The following ATP2A2 variants were observed in gnomAD, a reference collection of about 807,000 sequenced individuals.
The protein encoded by ATP2A2 is sarcoplasmic/endoplasmic reticulum calcium ATPase 2.
A neutral mutation model predicts 109.3 loss-of-function variants in ATP2A2; 14 were observed. The ratio of observed to expected loss-of-function variants is 0.13; its 90% CI spans 0.08 to 0.20. The LOEUF (loss-of-function observed/expected upper bound fraction) is 0.20. ATP2A2 is among the 10% of genes least tolerant of loss of function. The pLI, the probability that ATP2A2 is intolerant of heterozygous loss-of-function variation, is 1.00. For missense variants in ATP2A2, 657 were observed against 1,321.6 expected, an observed-to-expected ratio of 0.50 and a Z score of 7.80; for synonymous variants, 506 against 490.9, an observed-to-expected ratio of 1.03 and a Z score of -0.41.
chr12:110,344,996 AC>A (rs1197504403), intron 17 of ATP2A2, 25 bp downstream of exon 17: 3 of 1,609,892 alleles, frequency 1.9e-6, no homozygotes, highest in Non-Finnish European at 2.6e-6. Flanking sequence ...TTCTTTCTGT[AC>A]CTTACATGAG....
chr12:110,346,066 T>C lies in ATP2A2; in HGVS notation c.2807T>C (p.Ile936Thr), dbSNP rs1879825360. The change falls in exon 19 of 20, where the codon ATC becomes ACC. Residue 936 changes from isoleucine (I) to threonine (T), a missense_variant. By Grantham distance (89) the Ile-to-Thr change is moderately conservative. Around this residue, in one of 9 missense-constraint regions of ATP2A2, gnomAD observed 125 missense variants for 243.5 expected, o/e 0.51. Transcript: ENST00000539276. ...PWENIWLVGS[I>T]CLSMSLHFLI... is the part of the protein sequence containing the mutation. The stretch of plus-strand genomic sequence containing the variant: ...GAGAACATCTGGCTCGTGGGCTCCA[T>C]CTGCCTGTCCATGTCACTCCACTTC... 6.2e-7 allele frequency: 1 copy of C among 1,614,098 alleles called. No homozygotes were observed. Among genetic ancestry groups the C allele is most frequent in the African/African-American group, 1.3e-5 (1 of 74,932 alleles).
intron 3 of ATP2A2, among the ~76,000 whole-genome samples, chr12:110,285,855 C>T (rs540469108): frequency 6.7e-6 from 1 of 149,250 alleles, no homozygotes; most frequent in African/African-American, 2.4e-5. Flanking sequence ...CTTTAGGTTA[C>T]ATTTGACCAT....
At chr12:110,345,763 C>T (rs1364325352) in intron 18 of ATP2A2, 1 of 603,446 alleles carries the variant, frequency 1.7e-6, no homozygotes, top group African/African-American at 1.8e-5. Context: ...CAATTGGGAA[C>T]AGCTTTGAAC....
intron 5 of ATP2A2, among the ~76,000 whole-genome samples, chr12:110,299,560 G>C (rs1190713342): frequency 6.6e-6 from 1 of 152,230 alleles, no homozygotes; most frequent in Non-Finnish European, 1.5e-5. Context: ...ATTGGGTACA[G>C]AGTTCTGATC....
chr12:110,347,324 T>A lies in ATP2A2; in HGVS notation c.*854T>A. ...AACATTTTAAATGGACAGAGAAAAA[T>A]AACTGTCTTGTCTTTAACTCGTAAG... On this transcript the variant is annotated 3_prime_UTR_variant, in exon 20 of 20. Coordinates refer to ENST00000539276, the MANE Select transcript of ATP2A2 (RefSeq NM_170665.4). The A allele has an allele frequency of 7.8e-7, 1 of 1,275,782 alleles. No individual in the cohort carries two copies. The highest frequency in any genetic ancestry group is 5.6e-5 in the East Asian group (1 of 17,774). The allele number at this position is 1,275,782 out of a possible 1,614,324, so 79.0% of individuals were successfully genotyped here.
intron 6 of ATP2A2, among the ~76,000 whole-genome samples, chr12:110,324,428 T>A (rs1467724240): frequency 6.6e-6 from 1 of 150,682 alleles, no homozygotes; most frequent in Non-Finnish European, 1.5e-5. Flanking sequence ...TAAAAAAAAT[T>A]TTTTTTTTTT....
At chr12:110,287,523 A>G (rs1322867643) in intron 3 of ATP2A2, among the ~76,000 whole-genome samples, 1 of 152,224 alleles carries the variant, frequency 6.6e-6, no homozygotes, top group Non-Finnish European at 1.5e-5. Flanking sequence ...CACAAAGCAA[A>G]GGGAAGAAGA....
intron 11 of ATP2A2, among the ~76,000 whole-genome samples, chr12:110,336,113 G>C (rs1878819853): frequency 5.3e-5 from 8 of 152,214 alleles, no homozygotes. Flanking sequence ...ATTGGGTTCT[G>C]CTGAACATAC....
rs1255743508 is a variant in ATP2A2 at position 110,327,722 on chromosome 12, T to C, written c.800T>C (p.Ile267Thr). 1 of 1,614,172 alleles carries C rather than the reference T, an allele frequency of 6.2e-7. No individual in the cohort carries two copies. Among genetic ancestry groups the C allele is most frequent in the Non-Finnish European group, 8.5e-7 (1 of 1,180,028 alleles). Reference sequence around the variant, plus strand: ...CAGCTTTCCAAAGTCATCTCCCTTATTTGCATTGCAGTCTGGATCATAAAT... The same window carrying C: ...CAGCTTTCCAAAGTCATCTCCCTTACTTGCATTGCAGTCTGGATCATAAAT... ...GEQLSKVISL[I>T]CIAVWIINIG... Residue 267 changes from isoleucine to threonine, a missense_variant, in exon 8 of 20, where the codon ATT becomes ACT. By Grantham distance (89) the Ile-to-Thr change is moderately conservative (BLOSUM62 -1). Transcript: ENST00000539276. The surrounding 1 kb of genome is among the most constrained non-coding windows in gnomAD (Gnocchi z 4.4).
chr12:110,298,589 C>G (rs1433827851), intron 5 of ATP2A2, among the ~76,000 whole-genome samples: 1 of 152,068 alleles, frequency 6.6e-6, no homozygotes, highest in Non-Finnish European at 1.5e-5. Flanking sequence ...ATGGTGGCTC[C>G]CACCTGTAGT....
chr12:110,337,073 C>A (rs1878904908), intron 11 of ATP2A2, among the ~76,000 whole-genome samples: 1 of 152,196 alleles, frequency 6.6e-6, no homozygotes, highest in African/African-American at 2.4e-5. Context: ...AGTGACCACA[C>A]AAGTACGGGC....
rs1872414553 is a variant in ATP2A2 at position 110,283,947 on chromosome 12, G to A, written c.219+1152G>A. Among the ~76,000 whole-genome samples, 6 of 152,190 alleles carry A rather than the reference G, an allele frequency of 3.9e-5. 1 individual carries two copies. The South Asian group carries it at 1.2e-3, about 31-fold the overall frequency. On this transcript the variant is annotated intron_variant, in intron 3 of 19. Coordinates refer to ENST00000539276, the MANE Select transcript of ATP2A2 (RefSeq NM_170665.4). ...TAAATTTATACCCATCTTTTAAGTA[G>A]ATAGTGGCAGCAGTAAATAAATTTG...
Position 110,348,678 on chromosome 12 carries a change from T to C in ATP2A2, c.*2208T>C. On this transcript the variant is annotated 3_prime_UTR_variant, in exon 20 of 20. Coordinates refer to ENST00000539276, the MANE Select transcript of ATP2A2 (RefSeq NM_170665.4). ...TTGAGCCCAGGTACTCAAACCAGCCTGGGCAACAGAGTGAGGCCCTGTCAA... is the reference window on the plus strand; with the variant it reads ...TTGAGCCCAGGTACTCAAACCAGCCCGGGCAACAGAGTGAGGCCCTGTCAA... The C allele has an allele frequency of 1.0e-6, 1 of 985,292 alleles. No individual in the cohort carries two copies. Among genetic ancestry groups the C allele is most frequent in the Non-Finnish European group, 1.2e-6 (1 of 829,932 alleles). 61.0% of individuals were successfully genotyped at this position (985,292 alleles called of 1,614,324 possible). A position where few individuals can be genotyped will look rare whatever the true frequency, so the allele number is the denominator to read the frequency against.
intron 9 of ATP2A2, 58 bp from the exon 10 acceptor site, chr12:110,333,123 G>C (rs575777449): frequency 7.1e-7 from 1 of 1,407,860 alleles, no homozygotes; most frequent in Non-Finnish European, 1.0e-6. Flanking sequence ...GGCAGGGGGC[G>C]GGAGGAATCA....
chr12:110,346,034 C>G lies in ATP2A2; in HGVS notation c.2775C>G (p.Pro925=). 2.5e-6 allele frequency: 4 copies of G among 1,614,158 alleles called. No homozygotes were observed. Among genetic ancestry groups the G allele is most frequent in the Non-Finnish European group, 3.4e-6 (4 of 1,180,034 alleles). Residue 925 remains proline (P), a synonymous_variant, in exon 19 of 20, where the codon CCC becomes CCG. Coordinates refer to ENST00000539276, the MANE Select transcript of ATP2A2 (RefSeq NM_170665.4). Reference sequence around the variant, plus strand: ...AAAACCAGTCCTTGCTGAGGATGCCCCCCTGGGAGAACATCTGGCTCGTGG... The same window carrying G: ...AAAACCAGTCCTTGCTGAGGATGCCGCCCTGGGAGAACATCTGGCTCGTGG... The part of the protein sequence containing the change: ...LSENQSLLRM[P]PWENIWLVGS...
At position 110,344,942 on chromosome 12, in the gene ATP2A2, G is replaced by A. The variant is rs1879702182; in HGVS notation, c.2578G>A (p.Gly860Ser). ...TGCATGGTGGTTCATTGCTGCTGAC[G>A]GTGGTCCAAGAGTGTCCTTCTACCA... Reference protein sequence around the residue: ...AAAWWFIAADGGPRVSFYQLS... With the variant: ...AAAWWFIAADSGPRVSFYQLS... Residue 860 changes from glycine (G) to serine (S), a missense_variant, in exon 17 of 20, where the codon GGT (glycine) becomes AGT (serine). By Grantham distance (56) the Gly-to-Ser change is moderately conservative. Around this residue, in one of 9 missense-constraint regions of ATP2A2, gnomAD observed 125 missense variants for 243.5 expected, o/e 0.51. Coordinates refer to ENST00000539276, the MANE Select transcript of ATP2A2 (RefSeq NM_170665.4). 3.1e-6 allele frequency: 5 copies of A among 1,614,170 alleles called. No homozygotes were observed. The highest frequency in any genetic ancestry group is 1.3e-5 in the African/African-American group (1 of 75,026).
In ATP2A2 at chr12:110,348,045, G is replaced by C. The variant is rs1005203998; in HGVS notation, c.*1575G>C. On this transcript the variant is annotated 3_prime_UTR_variant, in exon 20 of 20. Coordinates refer to ENST00000539276, the MANE Select transcript of ATP2A2 (RefSeq NM_170665.4). The stretch of plus-strand genomic sequence containing the variant: ...AAGATGACCAGGAGGGCCCAAGCCA[G>C]ACAAAAGCCGGAGTGGGGAGAGAGG... The C allele has an allele frequency of 8.1e-6, 8 of 986,428 alleles. No individual in the cohort carries two copies. Among genetic ancestry groups the C allele is most frequent in the Admixed American group, 6.1e-5 (1 of 16,422 alleles). The allele number at this position is 986,428 out of a possible 1,614,324, so 61.1% of individuals were successfully genotyped here.
In ATP2A2 at chr12:110,332,599, G is replaced by A. The variant is rs1878453537; in HGVS notation, c.1098G>A (p.Met366Ile). 2 of 1,611,136 alleles carry A rather than the reference G, an allele frequency of 1.2e-6. No homozygotes were observed. Among genetic ancestry groups the A allele is most frequent in the Non-Finnish European group, 1.7e-6 (2 of 1,177,236 alleles). Residue 366 changes from methionine to isoleucine, a missense_variant and splice_region_variant, in exon 9 of 20, where the codon ATG becomes ATA. By Grantham distance (10) the Met-to-Ile change is conservative. Transcript: ENST00000539276. The part of the protein sequence containing the change: ...LTTNQMSVCR[M>I]FILDRVEGDT... ...TCTGATGCGCTCTCCCCCTACAGAT[G>A]TTCATTCTGGACAGAGTGGAAGGTG... is the stretch of plus-strand genomic sequence containing the variant.
At chr12:110,334,540 A>G (rs1592853056) in intron 11 of ATP2A2, among the ~76,000 whole-genome samples, 1 of 131,152 alleles carries the variant, frequency 7.6e-6, no homozygotes, top group Non-Finnish European at 1.6e-5. Context: ...CTTTGACCTT[A>G]TTTCCCCTGT....
Sources: allele counts gnomAD v4.1 joint callset (sites outside exome capture counted in the v4.1 genomes callset), GRCh38; gene constraint gnomAD v4.1.1; regional missense constraint gnomAD v4.1.1; non-coding constraint Gnocchi (gnomAD v3.1); transcripts MANE v1.5; gene names NCBI Gene and HGNC (gene_info 2026-07-23, HGNC 2026-07-21).